The following TLK1 variants were observed in gnomAD, a reference collection of about 807,000 sequenced individuals.
TLK1 encodes the protein tousled like kinase 1.
A neutral mutation model predicts 105.3 loss-of-function variants in TLK1; 24 were observed. That is an observed-to-expected ratio of 0.23 (90% CI 0.17 to 0.32). The LOEUF (loss-of-function observed/expected upper bound fraction) is 0.32. TLK1 is among the 10% of genes least tolerant of loss of function. TLK1 has a pLI of 1.00. For missense variants in TLK1, 558 were observed against 910.5 expected (o/e 0.61, Z 4.98); for synonymous variants, 321 against 310.4 (o/e 1.03, Z -0.36).
intron 1 of TLK1, among the ~76,000 whole-genome samples, chr2:171,135,939 G>C (rs766983794): frequency 1.3e-5 from 2 of 152,198 alleles, no homozygotes; most frequent in African/African-American, 2.4e-5. Flanking sequence ...GGGAACCTTT[G>C]TGTACTGTCA....
Position 171,160,359 on chromosome 2 carries a change from T to C in TLK1, c.70A>G (p.Thr24Ala), listed in dbSNP as rs1254378391. 1 of 1,602,968 alleles carries C rather than the reference T, an allele frequency of 6.2e-7. No homozygotes were observed. Among genetic ancestry groups the C allele is most frequent in the African/African-American group, 1.4e-5 (1 of 73,558 alleles). The change falls in exon 1 of 21, where the codon ACC becomes GCC. Residue 24 changes from threonine to alanine, a missense_variant. Coordinates refer to ENST00000431350, the MANE Select transcript of TLK1 (RefSeq NM_012290.5). This position sits in a 1 kb window ranked among gnomAD's most constrained non-coding sequence, Gnocchi z 4.4. ...CTGGCCGCCGCCGCCGAGCCCGGGGTTGGAGACGTGGAGAGCTGGGACCAA... is the reference window on the plus strand; with the variant it reads ...CTGGCCGCCGCCGCCGAGCCCGGGGCTGGAGACGTGGAGAGCTGGGACCAA... ...PSWSQLSTSP[T>A]PGSAAAARSL...
At chr2:171,054,403 C>G (rs1206921597) in intron 7 of TLK1, 4 of 152,206 alleles carry the variant, frequency 2.6e-5, no homozygotes, top group African/African-American at 9.7e-5. Flanking sequence ...GTCCTTTGAC[C>G]AACATCTCAT....
chr2:171,031,162 CA>C (rs1170620779), intron 11 of TLK1, among the ~76,000 whole-genome samples: 1 of 152,124 alleles, frequency 6.6e-6, no homozygotes, highest in Non-Finnish European at 1.5e-5. Flanking sequence ...CCCCAAATGA[CA>C]AAAGAGCCAT....
intron 2 of TLK1, among the ~76,000 whole-genome samples, chr2:171,099,036 C>T (rs1350773204): frequency 6.6e-6 from 1 of 152,116 alleles, no homozygotes; most frequent in African/African-American, 2.4e-5. Flanking sequence ...GTGCTCTCAC[C>T]ACTTCAGTTC....
At chr2:171,187,057 CA>C (rs71013019) in intron 1 of TLK1, among the ~76,000 whole-genome samples, 517 of 33,978 alleles carry the variant, frequency 0.015, no homozygotes, top group African/African-American at 0.058. Context: ...GACTCTGTCT[CA>C]AAAAAAAAAA....
At chr2:171,214,830 C>T (rs1693683075) in intron 1 of TLK1, among the ~76,000 whole-genome samples, 2 of 152,156 alleles carry the variant, frequency 1.3e-5, no homozygotes, top group African/African-American at 4.8e-5. Context: ...ATTAGTAACC[C>T]CTCAAGGTCT....
At chr2:171,209,739 G>C (rs1276237041) in intron 1 of TLK1, among the ~76,000 whole-genome samples, 1 of 152,140 alleles carries the variant, frequency 6.6e-6, no homozygotes, top group Non-Finnish European at 1.5e-5. Context: ...TTTGGACACA[G>C]AATATGTACG....
chr2:171,201,818 G>C (rs941107359), intron 1 of TLK1, among the ~76,000 whole-genome samples: 5 of 152,168 alleles, frequency 3.3e-5, no homozygotes, highest in African/African-American at 1.2e-4. Context: ...ACCAACTGGA[G>C]AGGGCAGTGA....
chr2:171,003,305 A>AAAAAG (rs1684487969), intron 18 of TLK1, among the ~76,000 whole-genome samples: 1 of 146,140 alleles, frequency 6.8e-6, no homozygotes, highest in African/African-American at 2.6e-5. Flanking sequence ...AAAAAAAAAA[A>AAAAAG]GTACAAGGTT....
intron 3 of TLK1, among the ~76,000 whole-genome samples, chr2:171,073,173 A>G (rs968052255): frequency 4.6e-5 from 7 of 152,028 alleles, no homozygotes; most frequent in Middle Eastern, 3.2e-3. Context: ...GGATAATTTG[A>G]CTTCTTCCTT....
At chr2:171,214,964 G>A (rs60254168) in intron 1 of TLK1, among the ~76,000 whole-genome samples, 27,802 of 150,906 alleles carry the variant, frequency 0.18, 2,693 homozygotes, top group South Asian at 0.25. Context: ...TTTTTGAGAC[G>A]GGGCCTTGCT....
chr2:170,997,875 A>C, intron 18 of TLK1, 52 bp from the exon 19 acceptor site: 1 of 1,103,598 alleles, frequency 9.1e-7, no homozygotes, highest in Non-Finnish European at 1.3e-6. Context: ...TCTGTAACTT[A>C]AAATCTTCTA....
intron 2 of TLK1, among the ~76,000 whole-genome samples, chr2:171,087,874 T>C (rs1359320447): frequency 2.0e-5 from 3 of 152,198 alleles, no homozygotes; most frequent in Admixed American, 6.5e-5. Flanking sequence ...GAAGGTTAAG[T>C]AGAAAGTCTA....
intron 3 of TLK1, among the ~76,000 whole-genome samples, chr2:171,075,323 C>T (rs537981368): frequency 2.6e-5 from 4 of 152,096 alleles, no homozygotes; most frequent in South Asian, 4.1e-4. Context: ...ATTAATAACT[C>T]GAAAATCCCA....
intron 2 of TLK1, among the ~76,000 whole-genome samples, chr2:171,104,436 C>A (rs1558944124): frequency 6.6e-6 from 1 of 151,850 alleles, no homozygotes; most frequent in African/African-American, 2.4e-5. Context: ...GAAAGACACC[C>A]CACGTTCATG....
At chr2:170,999,173 ATAAACT>A (rs1290486218) in intron 18 of TLK1, among the ~76,000 whole-genome samples, 10 of 152,262 alleles carry the variant, frequency 6.6e-5, no homozygotes, top group Admixed American at 3.3e-4. Flanking sequence ...AAAAATTTAG[ATAAACT>A]TAAAATTATC....
At chr2:171,124,207 G>A (rs1476522990) in intron 1 of TLK1, among the ~76,000 whole-genome samples, 1 of 152,188 alleles carries the variant, frequency 6.6e-6, no homozygotes, top group Non-Finnish European at 1.5e-5. Context: ...TTCTTTGACA[G>A]CTTGAGAAAT....
intron 1 of TLK1, among the ~76,000 whole-genome samples, chr2:171,158,396 A>T (rs1445811059): frequency 6.6e-6 from 1 of 151,968 alleles, no homozygotes; most frequent in Non-Finnish European, 1.5e-5. Context: ...AATGATTCCA[A>T]CCCCTCCAAA....
intron 2 of TLK1, among the ~76,000 whole-genome samples, chr2:171,086,734 G>A (rs1046134021): frequency 1.3e-5 from 2 of 152,040 alleles, no homozygotes; most frequent in African/African-American, 2.4e-5. Flanking sequence ...GGAAGGTCCC[G>A]GAGATCAGAG....
Sources: gnomAD v4.1 joint callset for allele counts (sites outside exome capture counted in the v4.1 genomes callset) on GRCh38, gnomAD v4.1.1 for gene constraint, Gnocchi (gnomAD v3.1) non-coding constraint, MANE v1.5 for transcripts, NCBI Gene and HGNC (gene_info 2026-07-23, HGNC 2026-07-21) for gene names.